The following LIMS2 variants were observed in gnomAD, a reference collection of about 807,000 sequenced individuals.
LIMS2 encodes LIM and senescent cell antigen-like-containing domain protein 2.
A neutral mutation model predicts 45.3 loss-of-function variants in LIMS2; 30 were observed. The observed-to-expected ratio is 0.66, with a 90% CI of 0.50 to 0.90. The LOEUF (loss-of-function observed/expected upper bound fraction) is 0.90. Ranked by LOEUF, LIMS2 falls within the 40% of genes least tolerant of loss-of-function variation. The pLI is 0.00. For synonymous variants in LIMS2, 173 were observed against 188.0 expected, an observed-to-expected ratio of 0.92 and a Z score of 0.65; for missense variants, 485 against 468.7, an observed-to-expected ratio of 1.03 and a Z score of -0.32.
At position 127,672,930 on chromosome 2, in the gene LIMS2, G is replaced by A. The variant is rs370491706; in HGVS notation, c.11+2084C>T. Among the ~76,000 whole-genome samples, 15 of 152,356 alleles carry A rather than the reference G, an allele frequency of 9.8e-5. No homozygotes were observed. The highest frequency in any genetic ancestry group is 3.4e-3 in the Middle Eastern group (1 of 294). Reference sequence around the variant, plus strand: ...CCCGAGAGAACCAGGATCCAGGCACGAGGAGCTGCCCGGGATCACATGGGA... The same window carrying A: ...CCCGAGAGAACCAGGATCCAGGCACAAGGAGCTGCCCGGGATCACATGGGA... On this transcript the variant is annotated intron_variant, in intron 1 of 9. Coordinates refer to ENST00000355119, the MANE Select transcript of LIMS2 (RefSeq NM_001161403.3). The surrounding 1 kb of genome is among the most constrained non-coding windows in gnomAD (Gnocchi z 4.9).
chr2:127,646,550 G>A (rs1683004876), intron 4 of LIMS2: 1 of 152,324 alleles, frequency 6.6e-6, no homozygotes, highest in Admixed American at 6.5e-5. Context: ...AGATGCCTGG[G>A]AGAGGGCTCG....
At chr2:127,681,308 CAG>C (rs940427153) in intron 1 of LIMS2, 10 of 152,436 alleles carry the variant, frequency 6.6e-5, no homozygotes, top group African/African-American at 1.9e-4. Flanking sequence ...GTGCCCATCA[CAG>C]AGTCTTTACC....
chr2:127,645,073 AAC>A (rs1352338217), intron 4 of LIMS2, among the ~76,000 whole-genome samples: 2 of 152,178 alleles, frequency 1.3e-5, no homozygotes, highest in South Asian at 4.1e-4. Flanking sequence ...AGAAAAACAA[AAC>A]ACACACACAC....
chr2:127,661,607 G>T (rs1443953618), intron 1 of LIMS2, among the ~76,000 whole-genome samples: 1 of 152,202 alleles, frequency 6.6e-6, no homozygotes, highest in Non-Finnish European at 1.5e-5. Context: ...AGAACATACT[G>T]CCCAGGGCAC....
At chr2:127,678,430 A>G (rs1685547767), upstream of LIMS2, among the ~76,000 whole-genome samples, 1 of 152,156 alleles carries the variant, frequency 6.6e-6, no homozygotes, top group East Asian at 1.9e-4. The surrounding 1 kb of genome is among the most constrained non-coding windows in gnomAD (Gnocchi z 5.3). Context: ...TTTTCATAGC[A>G]AAAGGGGGAA....
chr2:127,669,690 C>T (rs1306545629), intron 1 of LIMS2, among the ~76,000 whole-genome samples: 12 of 151,888 alleles, frequency 7.9e-5, no homozygotes, highest in Admixed American at 3.3e-4. Context: ...TGCACTCCAG[C>T]CTGGGCGACA....
upstream of LIMS2, among the ~76,000 whole-genome samples, chr2:127,679,773 C>G (rs887128158): frequency 2.0e-5 from 3 of 152,146 alleles, no homozygotes; most frequent in African/African-American, 7.2e-5. This position sits in a 1 kb window ranked among gnomAD's most constrained non-coding sequence, Gnocchi z 5.3. Context: ...CAAAGTGCCT[C>G]AATGAGCCTC....
At position 127,642,834 on chromosome 2, in the gene LIMS2, A is replaced by G. The variant is rs973330006; in HGVS notation, c.509+89T>C. 27 of 1,411,968 alleles carry G rather than the reference A, an allele frequency of 1.9e-5. No homozygotes were observed. Among genetic ancestry groups the G allele is most frequent in the Non-Finnish European group, 2.1e-5 (22 of 1,045,878 alleles). 87.5% of individuals were successfully genotyped at this position (1,411,968 alleles called of 1,614,324 possible). A position where few individuals can be genotyped will look rare whatever the true frequency, so the allele number is the denominator to read the frequency against. ...CCCTGCTCCCCTCTCCCTCCTCAAC[A>G]CTTCCCCAGGTGGAGGCCCCACCGC... On this transcript the variant is annotated intron_variant, in intron 5 of 9. Transcript: ENST00000355119. The surrounding 1 kb of genome is among the most constrained non-coding windows in gnomAD (Gnocchi z 5.3).
upstream of LIMS2, among the ~76,000 whole-genome samples, chr2:127,676,620 G>A (rs998724396): frequency 6.6e-6 from 1 of 152,140 alleles, no homozygotes; most frequent in Non-Finnish European, 1.5e-5. Flanking sequence ...ATGTTGGTCA[G>A]GCTGGTTGCA....
intron 1 of LIMS2, among the ~76,000 whole-genome samples, chr2:127,668,709 AAACAC>A (rs1409035845): frequency 1.5e-5 from 2 of 133,398 alleles, no homozygotes; most frequent in African/African-American, 6.1e-5. Flanking sequence ...AAAAAAAAAA[AAACAC>A]CTTACTTAAA....
rs190978926 is a variant in LIMS2, at chr2:127,649,315, C to T, written c.359+5109G>A. Among the ~76,000 whole-genome samples, 749 of 152,272 alleles carry T rather than the reference C, an allele frequency of 4.9e-3. 1 individual carries two copies. Among genetic ancestry groups the T allele is most frequent in the Admixed American group, 7.2e-3 (110 of 15,304 alleles). On this transcript the variant is annotated intron_variant, in intron 4 of 9. Coordinates refer to ENST00000355119, the MANE Select transcript of LIMS2 (RefSeq NM_001161403.3). Reference sequence around the variant, plus strand: ...TGAGGACCCTGCCAGGGCTGTGGCCCGTGCCTCCTCCCCTCCTGCTGCCAC... The same window carrying T: ...TGAGGACCCTGCCAGGGCTGTGGCCTGTGCCTCCTCCCCTCCTGCTGCCAC...
chr2:127,664,224 G>T lies in LIMS2; in HGVS notation c.12-6662C>A. On this transcript the variant is annotated intron_variant, in intron 1 of 9. Transcript: ENST00000355119. This position sits in a 1 kb window ranked among gnomAD's most constrained non-coding sequence, Gnocchi z 5.5. ...CCCACGGCGTCGGAGGGCCCCGGTC[G>T]GGTTTCCGAGGGAAGGCCTGCCCTG... 1 of 1,142,872 alleles carries T rather than the reference G, an allele frequency of 8.7e-7. No individual in the cohort carries two copies. The highest frequency in any genetic ancestry group is 1.1e-6 in the Non-Finnish European group (1 of 917,552). The allele number at this position is 1,142,872 out of a possible 1,614,324, so 70.8% of individuals were successfully genotyped here. A position where few individuals can be genotyped will look rare whatever the true frequency, so the allele number is the denominator to read the frequency against.
chr2:127,642,328 G>A lies in LIMS2; in HGVS notation c.510-129C>T, dbSNP rs931050404. ...GTCCCTGCAGAGCCGAGGCGGCAGC[G>A]CCTTCTGATCTCTGGGCACTTTGAA... On this transcript the variant is annotated intron_variant, in intron 5 of 9. Coordinates refer to ENST00000355119, the MANE Select transcript of LIMS2 (RefSeq NM_001161403.3). The surrounding 1 kb of genome is among the most constrained non-coding windows in gnomAD (Gnocchi z 5.3). 1.8e-5 allele frequency: 20 copies of A among 1,121,590 alleles called. No homozygotes were observed. The highest frequency in any genetic ancestry group is 1.0e-4 in the South Asian group (6 of 57,540). 69.5% of individuals were successfully genotyped at this position (1,121,590 alleles called of 1,614,324 possible). A position where few individuals can be genotyped will look rare whatever the true frequency, so the allele number is the denominator to read the frequency against.
rs948007571 is a variant in LIMS2 at position 127,651,307 on chromosome 2, A to C, written c.359+3117T>G. The C allele has an allele frequency of 2.5e-6, 4 of 1,609,428 alleles. No homozygotes were observed. The African/African-American group carries it at 5.3e-5, about 21-fold the overall frequency. ...CAGCTGTACCGGGAGAAGGCCTCCC[A>C]CCATGCCCTGGTGTCCCTGGCAGTG... On this transcript the variant is annotated intron_variant, in intron 4 of 9. Coordinates refer to ENST00000355119, the MANE Select transcript of LIMS2 (RefSeq NM_001161403.3).
intron 9 of LIMS2, among the ~76,000 whole-genome samples, chr2:127,639,724 C>T (rs1682211433): frequency 6.6e-6 from 1 of 152,224 alleles, no homozygotes; most frequent in African/African-American, 2.4e-5. Flanking sequence ...AGCCATCCCA[C>T]ACCCCTCGAG....
upstream of LIMS2, among the ~76,000 whole-genome samples, chr2:127,675,885 C>T (rs1685486776): frequency 6.6e-6 from 1 of 152,234 alleles, no homozygotes; most frequent in South Asian, 2.1e-4. Flanking sequence ...CCGATTTCAT[C>T]CCCCGTTGCG....
rs763417527 is a variant in LIMS2, at chr2:127,664,301, C to G, written c.12-6739G>C. 1 of 1,236,844 alleles carries G rather than the reference C, an allele frequency of 8.1e-7. No individual in the cohort carries two copies. Among genetic ancestry groups the G allele is most frequent in the Non-Finnish European group, 1.0e-6 (1 of 990,996 alleles). The allele number at this position is 1,236,844 out of a possible 1,614,324, so 76.6% of individuals were successfully genotyped here. A position where few individuals can be genotyped will look rare whatever the true frequency, so the allele number is the denominator to read the frequency against. ...CCGCCACCCGCCCCGCCCCTGGCCA[C>G]CTACCCCGTGGCTGGCGGCGGGCTC... On this transcript the variant is annotated intron_variant, in intron 1 of 9. Coordinates refer to ENST00000355119, the MANE Select transcript of LIMS2 (RefSeq NM_001161403.3). This position sits in a 1 kb window ranked among gnomAD's most constrained non-coding sequence, Gnocchi z 5.5.
rs1182467515 is a variant in LIMS2, at chr2:127,671,869, C to T, written c.11+3145G>A. Among the ~76,000 whole-genome samples, 1 of 151,492 alleles carries T rather than the reference C, an allele frequency of 6.6e-6. No individual in the cohort carries two copies. Among genetic ancestry groups the T allele is most frequent in the Non-Finnish European group, 1.5e-5 (1 of 68,036 alleles). On this transcript the variant is annotated intron_variant, in intron 1 of 9. Transcript: ENST00000355119. This position sits in a 1 kb window ranked among gnomAD's most constrained non-coding sequence, Gnocchi z 4.1. ...TTACAGTTTGCTTAAGCCCCTGACGCCACTGCAGCCTCGTGTGCTGTGCTG... is the reference window on the plus strand; with the variant it reads ...TTACAGTTTGCTTAAGCCCCTGACGTCACTGCAGCCTCGTGTGCTGTGCTG...
At chr2:127,652,102 A>T in intron 4 of LIMS2, 1 of 309,728 alleles carries the variant, frequency 3.2e-6, no homozygotes, top group South Asian at 6.3e-5. Flanking sequence ...AGAATCGCTC[A>T]TCGGCGAGGC....
Sources: allele counts gnomAD v4.1 joint callset (sites outside exome capture counted in the v4.1 genomes callset), GRCh38; gene constraint gnomAD v4.1.1; non-coding constraint Gnocchi (gnomAD v3.1); transcripts MANE v1.5; gene names NCBI Gene and HGNC (gene_info 2026-07-23, HGNC 2026-07-21).